Variants in HMCN1 observed in about 807,000 individuals in gnomAD.
The protein encoded by HMCN1 is hemicentin 1, also known as hemicentin-1.
HMCN1 carries 321 observed loss-of-function variants against 625.9 expected under a neutral mutation model. That is an observed-to-expected ratio of 0.51 (90% CI 0.47 to 0.56). The LOEUF is 0.56. Ranked by LOEUF, HMCN1 falls within the 20% of genes least tolerant of loss-of-function variation. The pLI is 0.00. For missense variants in HMCN1, 6,588 were observed against 6,887.3 expected (o/e 0.96, Z 1.54); for synonymous variants, 2,425 against 2,417.6 (o/e 1.00, Z -0.09).
intron 78 of HMCN1, 120 bp from the exon 79 acceptor site, chr1:186,119,625 G>A: frequency 9.6e-7 from 1 of 1,043,172 alleles, no homozygotes; most frequent in East Asian, 2.6e-5. Flanking sequence ...TTTCTCTTGG[G>A]CAATCAAATC....
intron 16 of HMCN1, 109 bp downstream of exon 16, chr1:185,978,090 AT>A: frequency 1.3e-6 from 1 of 787,356 alleles, no homozygotes. Context: ...TTGCCAACAC[AT>A]TTTATGTTCA....
intron 68 of HMCN1, among the ~76,000 whole-genome samples, chr1:186,101,807 A>G (rs1286839247): frequency 1.3e-5 from 2 of 152,126 alleles, no homozygotes; most frequent in South Asian, 2.1e-4. Flanking sequence ...AAGTAAGAGG[A>G]GTAAATAATT....
intron 4 of HMCN1, among the ~76,000 whole-genome samples, chr1:185,887,939 T>C (rs931684099): frequency 7.0e-5 from 10 of 143,188 alleles, no homozygotes; most frequent in Non-Finnish European, 1.2e-4. Flanking sequence ...GTAAAAGTGT[T>C]CCTATTTCTC....
chr1:186,129,032 C>G (rs1661789097), intron 83 of HMCN1, among the ~76,000 whole-genome samples: 1 of 151,496 alleles, frequency 6.6e-6, no homozygotes, highest in Non-Finnish European at 1.5e-5. Flanking sequence ...TGGAATTTAT[C>G]AACTGCATTA....
intron 36 of HMCN1, among the ~76,000 whole-genome samples, chr1:186,026,325 GA>G (rs1283013829): frequency 7.9e-5 from 12 of 152,270 alleles, no homozygotes; most frequent in Middle Eastern, 3.4e-3. Context: ...ACCATGCATT[GA>G]AATACTTGAG....
intron 2 of HMCN1, among the ~76,000 whole-genome samples, chr1:185,863,866 G>T (rs544506842): frequency 6.6e-6 from 1 of 152,308 alleles, no homozygotes; most frequent in South Asian, 2.1e-4. Context: ...TTCTCTGGCA[G>T]GTATGAAGTG....
chr1:185,818,358 T>G (rs1206880667), intron 1 of HMCN1, among the ~76,000 whole-genome samples: 1 of 152,204 alleles, frequency 6.6e-6, no homozygotes, highest in Admixed American at 6.5e-5. Context: ...TCAATTTATT[T>G]TTTTTTCCTA....
intron 4 of HMCN1, among the ~76,000 whole-genome samples, chr1:185,871,683 G>A (rs1255481008): frequency 1.3e-5 from 2 of 152,224 alleles, no homozygotes; most frequent in African/African-American, 2.4e-5. Flanking sequence ...GCAATGAAAA[G>A]CCTCATAGAT....
intron 1 of HMCN1, among the ~76,000 whole-genome samples, chr1:185,809,318 T>G (rs1433729402): frequency 6.6e-6 from 1 of 152,022 alleles, no homozygotes; most frequent in Non-Finnish European, 1.5e-5. Context: ...TTGAGATAAT[T>G]TTGTAATTAA....
At chr1:186,169,385 A>G (rs1571455861) in intron 100 of HMCN1, among the ~76,000 whole-genome samples, 1 of 152,296 alleles carries the variant, frequency 6.6e-6, no homozygotes, top group East Asian at 1.9e-4. Context: ...TATAGCCAAG[A>G]CAATCCTAAG....
chr1:185,840,229 TATA>T (rs1346433078), intron 1 of HMCN1, among the ~76,000 whole-genome samples: 3 of 152,210 alleles, frequency 2.0e-5, no homozygotes, highest in Admixed American at 1.3e-4. Context: ...TAAAAGTAGA[TATA>T]ATAATCTGAT....
rs554812700 is a variant in HMCN1 at position 186,189,929 on chromosome 1, A to G, written c.*51A>G. On this transcript the variant is annotated 3_prime_UTR_variant, in exon 107 of 107. Coordinates refer to ENST00000271588, the MANE Select transcript of HMCN1 (RefSeq NM_031935.3). ...TATTTAAACCGCATTAATCATGGCA[A>G]TCAAGCCCCCTTCCAGATTACTGTC... The G allele has an allele frequency of 4.8e-5, 76 of 1,599,220 alleles. No homozygotes were observed. The highest frequency in any genetic ancestry group is 1.3e-4 in the South Asian group (12 of 90,704).
Position 186,133,573 on chromosome 1 carries a change from G to C in HMCN1, c.13312+1164G>C, listed in dbSNP as rs721152. 1.4e-3 allele frequency among the ~76,000 whole-genome samples: 208 copies of C among 152,272 alleles called. 1 individual carries two copies. The highest frequency in any genetic ancestry group is 4.6e-3 in the African/African-American group (192 of 41,560). On this transcript the variant is annotated intron_variant, in intron 86 of 106. Transcript: ENST00000271588. ...TGGGTTGAGAATTTAAGCAAGTCAA[G>C]TCATTTTGTGACTAGGCTCAGTATT...
intron 4 of HMCN1, among the ~76,000 whole-genome samples, chr1:185,890,413 T>C (rs1311950217): frequency 6.8e-6 from 1 of 147,256 alleles, no homozygotes; most frequent in Non-Finnish European, 1.5e-5. Flanking sequence ...AGGGTGTCAA[T>C]TTTGGATCTT....
At chr1:185,953,610 A>G (rs1649398112) in intron 11 of HMCN1, among the ~76,000 whole-genome samples, 1 of 151,808 alleles carries the variant, frequency 6.6e-6, no homozygotes, top group South Asian at 2.1e-4. Context: ...AAAAGAGGCC[A>G]CTTACTGGAT....
At chr1:186,073,656 G>A (rs1441153526) in intron 52 of HMCN1, among the ~76,000 whole-genome samples, 1 of 152,020 alleles carries the variant, frequency 6.6e-6, no homozygotes, top group Non-Finnish European at 1.5e-5. Flanking sequence ...GGAGGCAAAA[G>A]AGTTGAGAGT....
At chr1:186,011,132 G>T (rs1653975476) in intron 30 of HMCN1, among the ~76,000 whole-genome samples, 1 of 151,988 alleles carries the variant, frequency 6.6e-6, no homozygotes, top group Non-Finnish European at 1.5e-5. Context: ...TGCAACCTCC[G>T]CCTCTTCGGT....
intron 52 of HMCN1, among the ~76,000 whole-genome samples, chr1:186,074,244 A>T (rs1658658180): frequency 1.3e-5 from 2 of 152,168 alleles, no homozygotes; most frequent in South Asian, 4.1e-4. Flanking sequence ...ACATAATATA[A>T]ATATCTTTAG....
chr1:186,180,368 C>A (rs910047782), intron 104 of HMCN1, among the ~76,000 whole-genome samples: 10 of 152,282 alleles, frequency 6.6e-5, no homozygotes, highest in Admixed American at 5.9e-4. Context: ...CCATCCCATT[C>A]TCAACCTTCA....
Sources: allele counts gnomAD v4.1 joint callset (sites outside exome capture counted in the v4.1 genomes callset), GRCh38; gene constraint gnomAD v4.1.1; transcripts MANE v1.5; gene names NCBI Gene and HGNC (gene_info 2026-07-23, HGNC 2026-07-21).